DOCK1: variants seen among roughly 807,000 people sequenced by gnomAD.
DOCK1 encodes the protein dedicator of cytokinesis 1.
In DOCK1, 138 loss-of-function variants were observed where a neutral mutation model predicts 262.7. The ratio of observed to expected loss-of-function variants is 0.53; its 90% confidence interval spans 0.46 to 0.61. The LOEUF (loss-of-function observed/expected upper bound fraction) is 0.61, where lower values mean the gene tolerates loss of function less well. Ranked by LOEUF, DOCK1 falls within the 20% of genes least tolerant of loss-of-function variation. The probability of loss-of-function intolerance (pLI) is 0.00; values close to 1 mark genes in which losing one functional copy is unlikely to be tolerated. For missense variants in DOCK1, 1,908 were observed against 2,370.7 expected (o/e 0.80, Z 4.05); for synonymous variants, 866 against 867.4 (o/e 1.00, Z 0.03).
chr10:127,330,165 G>A (rs753679067), intron 29 of DOCK1, among the ~76,000 whole-genome samples: 10 of 152,042 alleles, frequency 6.6e-5, no homozygotes, highest in Non-Finnish European at 1.3e-4. Context: ...TGAACTCTCC[G>A]ACTCCCCACC....
At chr10:127,172,910 G>A (rs2054714338) in intron 27 of DOCK1, among the ~76,000 whole-genome samples, 1 of 152,160 alleles carries the variant, frequency 6.6e-6, no homozygotes, top group Admixed American at 6.5e-5. Flanking sequence ...TGTGGCTATC[G>A]AGCATTTGAA....
chr10:127,138,241 G>C (rs2083323270), intron 27 of DOCK1, among the ~76,000 whole-genome samples: 1 of 152,190 alleles, frequency 6.6e-6, no homozygotes, highest in Admixed American at 6.5e-5. Context: ...TTCTGTAGGT[G>C]AATCTTTAAT....
At chr10:127,246,796 A>G (rs2059445251) in intron 27 of DOCK1, among the ~76,000 whole-genome samples, 1 of 152,236 alleles carries the variant, frequency 6.6e-6, no homozygotes, top group Non-Finnish European at 1.5e-5. Context: ...AATTAATATA[A>G]AAGACATTTA....
Position 127,020,723 on chromosome 10 carries a change from G to A in DOCK1, c.1327+1888G>A, listed in dbSNP as rs1042476039. On this transcript the variant is annotated intron_variant, in intron 13 of 51. Coordinates refer to ENST00000623213, the MANE Select transcript of DOCK1 (RefSeq NM_001290223.2). ...ATTCTAGCTTGGGTGGGTCATCTGCGTTCTCTGTTGGCCGAGTAATCACTG... is the reference window on the plus strand; with the variant it reads ...ATTCTAGCTTGGGTGGGTCATCTGCATTCTCTGTTGGCCGAGTAATCACTG... Among the ~76,000 whole-genome samples the A allele has an allele frequency of 5.9e-5, 9 of 152,250 alleles. No individual in the cohort carries two copies. The South Asian group carries it at 1.0e-3, about 18-fold the overall frequency.
chr10:127,346,424 T>C (rs1926437), intron 31 of DOCK1, among the ~76,000 whole-genome samples: 98,493 of 151,942 alleles, frequency 0.65, 32,552 homozygotes, highest in Middle Eastern at 0.77. Flanking sequence ...ACAACACCCC[T>C]TTCTCCACAA....
intron 1 of DOCK1, among the ~76,000 whole-genome samples, chr10:126,952,586 G>A (rs1349955512): frequency 6.6e-6 from 1 of 151,426 alleles, no homozygotes; most frequent in Non-Finnish European, 1.5e-5. Flanking sequence ...ATGTAGTATT[G>A]TTGGTACTGT....
chr10:126,941,733 C>G lies in DOCK1; in HGVS notation c.47-28969C>G, dbSNP rs894393538. Among the ~76,000 whole-genome samples, 20 of 151,798 alleles carry G rather than the reference C, an allele frequency of 1.3e-4. No individual in the cohort carries two copies. In the South Asian group the frequency reaches 3.5e-3, roughly 27 times the overall value. On this transcript the variant is annotated intron_variant, in intron 1 of 51. Transcript: ENST00000623213. The stretch of plus-strand genomic sequence containing the variant: ...TCGTGCCACTGCACTCCAGCCTGGG[C>G]GACAGTGCGAGACTCCATCTCAAAA...
intron 3 of DOCK1, among the ~76,000 whole-genome samples, chr10:126,979,273 C>G (rs865851690): frequency 1.3e-5 from 2 of 152,150 alleles, no homozygotes; most frequent in African/African-American, 2.4e-5. Flanking sequence ...GTAGGCCCAG[C>G]TACTTGAGAG....
chr10:127,166,083 T>C (rs2054048442), intron 27 of DOCK1, among the ~76,000 whole-genome samples: 1 of 152,102 alleles, frequency 6.6e-6, no homozygotes, highest in Non-Finnish European at 1.5e-5. Context: ...ATTTATTTTC[T>C]GAGACAGAGT....
intron 27 of DOCK1, among the ~76,000 whole-genome samples, chr10:127,202,115 G>A (rs1183260487): frequency 6.6e-6 from 1 of 152,150 alleles, no homozygotes; most frequent in Non-Finnish European, 1.5e-5. Context: ...TTGAGCTCAG[G>A]AGTTCGAGAC....
intron 33 of DOCK1, among the ~76,000 whole-genome samples, chr10:127,363,291 C>T (rs1344086522): frequency 6.6e-6 from 1 of 152,124 alleles, no homozygotes; most frequent in Non-Finnish European, 1.5e-5. Context: ...AGGCAGATCA[C>T]TTGAGCTCAG....
At chr10:127,233,746 C>T (rs2058940675) in intron 27 of DOCK1, among the ~76,000 whole-genome samples, 1 of 152,176 alleles carries the variant, frequency 6.6e-6, no homozygotes, top group African/African-American at 2.4e-5. Context: ...CATTCCCTTT[C>T]TAGGAAATAA....
intron 44 of DOCK1, among the ~76,000 whole-genome samples, chr10:127,415,612 A>G (rs1472958593): frequency 2.6e-5 from 4 of 152,192 alleles, no homozygotes; most frequent in African/African-American, 9.6e-5. Flanking sequence ...TTTTTTCCTG[A>G]TGGTTTTATT....
intron 12 of DOCK1, chr10:127,016,653 A>G (rs72832601): frequency 1.1e-4 from 3 of 27,478 alleles, no homozygotes; most frequent in Non-Finnish European, 1.6e-4. Context: ...ACACACACAT[A>G]CACACACACA....
chr10:127,053,182 A>G (rs954585946), intron 22 of DOCK1, among the ~76,000 whole-genome samples: 1 of 152,178 alleles, frequency 6.6e-6, no homozygotes, highest in Non-Finnish European at 1.5e-5. Context: ...AAAGAAAAAC[A>G]ACAACAAAAA....
chr10:127,433,836 C>CT (rs201225701), intron 48 of DOCK1, among the ~76,000 whole-genome samples: 2,793 of 144,674 alleles, frequency 0.019, 67 homozygotes, highest in East Asian at 0.1. Context: ...GTGATTTCTT[C>CT]TTTTTTTTTT....
chr10:126,913,728 A>G (rs1028740336), intron 1 of DOCK1, among the ~76,000 whole-genome samples: 6 of 152,194 alleles, frequency 3.9e-5, no homozygotes, highest in Non-Finnish European at 7.4e-5. Flanking sequence ...CACCCCAGAC[A>G]GATGTCTGTC....
chr10:127,444,231 C>A lies in DOCK1; in HGVS notation c.5365C>A (p.Pro1789Thr). 1 of 1,612,322 alleles carries A rather than the reference C, an allele frequency of 6.2e-7. No homozygotes were observed. The highest frequency in any genetic ancestry group is 1.3e-5 in the African/African-American group (1 of 74,886). Residue 1789 changes from proline (P) to threonine (T), a missense_variant, in exon 50 of 52, where the codon CCC becomes ACC. Physicochemically the swap from Pro to Thr is conservative, Grantham distance 38. Around this residue, in one of 9 missense-constraint regions of DOCK1, gnomAD observed 383 missense variants for 420.1 expected, o/e 0.91. Coordinates refer to ENST00000623213, the MANE Select transcript of DOCK1 (RefSeq NM_001290223.2). ...CTCGTCACCGTCCTCCCAGCAAACA[C>A]CCCCTCCAGTTACACCAAGGGCCAA... is the stretch of plus-strand genomic sequence containing the variant. ...SPSSPSSQQT[P>T]PPVTPRAKLS... is the part of the protein sequence containing the mutation.
chr10:127,288,005 G>C (rs953696691), intron 29 of DOCK1, among the ~76,000 whole-genome samples: 3 of 152,302 alleles, frequency 2.0e-5, no homozygotes, highest in Admixed American at 6.5e-5. Context: ...GGTACCCTGA[G>C]AGTGTTTATT....
Sources: allele counts gnomAD v4.1 joint callset (sites outside exome capture counted in the v4.1 genomes callset), GRCh38; gene constraint gnomAD v4.1.1; regional missense constraint gnomAD v4.1.1; transcripts MANE v1.5; gene names NCBI Gene and HGNC (gene_info 2026-07-23, HGNC 2026-07-21).